The following CCDC192 variants were observed in gnomAD, a reference collection of about 807,000 sequenced individuals.
CCDC192 encodes the protein coiled-coil domain containing 192, also known as coiled-coil domain-containing protein 192.
chr5:127,872,698 C>T (rs1459965242), intron 5 of CCDC192, among the ~76,000 whole-genome samples: 1 of 152,178 alleles, frequency 6.6e-6, no homozygotes, highest in East Asian at 1.9e-4. Flanking sequence ...GTTGTGCCAA[C>T]ATCTGCCTCC....
At chr5:127,867,422 A>G (rs932868897) in intron 5 of CCDC192, among the ~76,000 whole-genome samples, 2 of 152,214 alleles carry the variant, frequency 1.3e-5, no homozygotes, top group Admixed American at 6.5e-5. Flanking sequence ...ATTCTTTTCC[A>G]CCACTTGTAA....
chr5:127,717,781 A>T (rs1263807049), intron 2 of CCDC192, among the ~76,000 whole-genome samples: 1 of 152,032 alleles, frequency 6.6e-6, no homozygotes, highest in Non-Finnish European at 1.5e-5. Flanking sequence ...CAGAAGTTAC[A>T]CATATAACTT....
At chr5:127,792,784 A>T (rs1756948869) in intron 3 of CCDC192, among the ~76,000 whole-genome samples, 1 of 143,104 alleles carries the variant, frequency 7.0e-6, no homozygotes, top group Non-Finnish European at 1.5e-5. Context: ...GGAGAAGAGG[A>T]AGAAGAAGAA....
chr5:127,916,085 G>T (rs1753512967), intron 6 of CCDC192, among the ~76,000 whole-genome samples: 1 of 152,190 alleles, frequency 6.6e-6, no homozygotes, highest in South Asian at 2.1e-4. Context: ...CTAAGCTTAT[G>T]AAATATTCTA....
At chr5:127,899,054 A>G (rs1752970389) in intron 6 of CCDC192, among the ~76,000 whole-genome samples, 2 of 152,170 alleles carry the variant, frequency 1.3e-5, no homozygotes. Context: ...TGAATGAGGA[A>G]TGACTCACAG....
intron 2 of CCDC192, among the ~76,000 whole-genome samples, chr5:127,753,001 C>T (rs920029075): frequency 6.6e-5 from 10 of 152,172 alleles, no homozygotes; most frequent in African/African-American, 1.9e-4. Flanking sequence ...CACTGACCTG[C>T]GCCCACTGTC....
At chr5:127,827,606 G>C (rs745577096) in intron 5 of CCDC192, among the ~76,000 whole-genome samples, 11 of 152,168 alleles carry the variant, frequency 7.2e-5, no homozygotes, top group Non-Finnish European at 1.6e-4. Context: ...AAAGAATTGG[G>C]CGTGGTCTGC....
chr5:127,905,116 T>C (rs1458580226), intron 6 of CCDC192, among the ~76,000 whole-genome samples: 2 of 152,080 alleles, frequency 1.3e-5, no homozygotes, highest in African/African-American at 4.8e-5. Context: ...TTTGCATGAG[T>C]AAAAAATAAA....
At chr5:127,720,254 A>C (rs1232528588) in intron 2 of CCDC192, among the ~76,000 whole-genome samples, 1 of 152,192 alleles carries the variant, frequency 6.6e-6, no homozygotes, top group Non-Finnish European at 1.5e-5. Flanking sequence ...CTATTCTAAA[A>C]GGGAAAAAAT....
At chr5:127,756,704 C>G (rs558260548) in intron 3 of CCDC192, among the ~76,000 whole-genome samples, 65 of 152,210 alleles carry the variant, frequency 4.3e-4, no homozygotes, top group Non-Finnish European at 8.1e-4. Context: ...TCTGCAAGGG[C>G]AGATTGGACC....
intron 2 of CCDC192, among the ~76,000 whole-genome samples, chr5:127,721,535 GTCT>G (rs1164188063): frequency 1.3e-5 from 2 of 152,012 alleles, no homozygotes; most frequent in Admixed American, 1.3e-4. Context: ...TCATCTTTCT[GTCT>G]TCTTCTGAGC....
intron 6 of CCDC192, among the ~76,000 whole-genome samples, chr5:127,894,443 G>A (rs761443736): frequency 1.3e-5 from 2 of 151,862 alleles, no homozygotes; most frequent in African/African-American, 2.4e-5. Flanking sequence ...CACCCGCCTC[G>A]GCCTCCCAAA....
intron 3 of CCDC192, among the ~76,000 whole-genome samples, chr5:127,763,744 C>A (rs768251721): frequency 2.6e-5 from 4 of 152,080 alleles, no homozygotes; most frequent in Admixed American, 2.0e-4. Context: ...CCTTTCTAAT[C>A]TAGAAAAAAC....
chr5:127,764,192 C>G (rs1388944385), intron 3 of CCDC192, among the ~76,000 whole-genome samples: 1 of 152,186 alleles, frequency 6.6e-6, no homozygotes. Flanking sequence ...GAGGCACATT[C>G]TGATCTGTGC....
At chr5:127,751,218 T>C (rs1457831212) in intron 2 of CCDC192, among the ~76,000 whole-genome samples, 1 of 152,128 alleles carries the variant, frequency 6.6e-6, no homozygotes, top group Non-Finnish European at 1.5e-5. Context: ...CTCGATGGTC[T>C]TTACATCTTG....
chr5:127,842,086 T>G (rs1238071297), intron 5 of CCDC192, among the ~76,000 whole-genome samples: 1 of 152,202 alleles, frequency 6.6e-6, no homozygotes, highest in Non-Finnish European at 1.5e-5. Context: ...TGCCAGCTCC[T>G]CTGAATTTTC....
At chr5:127,917,744 C>T (rs957101352) in intron 6 of CCDC192, among the ~76,000 whole-genome samples, 16 of 152,158 alleles carry the variant, frequency 1.1e-4, no homozygotes, top group Admixed American at 1.0e-3. Context: ...TCATCGATCA[C>T]AGAACACCAT....
intron 2 of CCDC192, among the ~76,000 whole-genome samples, chr5:127,729,172 G>C (rs1454540524): frequency 6.6e-6 from 1 of 152,090 alleles, no homozygotes; most frequent in Non-Finnish European, 1.5e-5. Context: ...CTCCCAAAGT[G>C]CTGGGAATAC....
intron 3 of CCDC192, among the ~76,000 whole-genome samples, chr5:127,769,962 G>A (rs1047742872): frequency 1.3e-5 from 2 of 152,108 alleles, no homozygotes; most frequent in African/African-American, 4.8e-5. Context: ...GAGGGAGGGA[G>A]GAAGAGAGAG....
Sources: gnomAD v4.1 joint callset for allele counts (sites outside exome capture counted in the v4.1 genomes callset) on GRCh38, gnomAD v4.1.1 for gene constraint, MANE v1.5 for transcripts, NCBI Gene and HGNC (gene_info 2026-07-23, HGNC 2026-07-21) for gene names.